RXRA: variants seen among roughly 807,000 people sequenced by gnomAD.
The protein encoded by RXRA is retinoid X receptor alpha.
In RXRA, 5 loss-of-function variants were observed where a neutral mutation model predicts 44.5. The ratio of observed to expected loss-of-function variants is 0.11; its 90% confidence interval spans 0.06 to 0.24. The LOEUF is 0.24. Among genes scored for constraint, RXRA ranks in the 10% least tolerant of loss-of-function variants. The pLI, the probability that RXRA is intolerant of heterozygous loss-of-function variation, is 1.00. For missense variants in RXRA, 412 were observed against 646.5 expected, an observed-to-expected ratio of 0.64 and a Z score of 3.93; for synonymous variants, 291 against 271.4, an observed-to-expected ratio of 1.07 and a Z score of -0.71.
intron 1 of RXRA, among the ~76,000 whole-genome samples, chr9:134,355,851 C>T (rs1295450631): frequency 6.6e-6 from 1 of 152,092 alleles, no homozygotes; most frequent in East Asian, 1.9e-4. Flanking sequence ...CTGGAGTCTG[C>T]ATTTTTCGGA....
chr9:134,424,736 A>AGT, intron 6 of RXRA: 1 of 985,450 alleles, frequency 1.0e-6, no homozygotes, highest in Non-Finnish European at 1.2e-6. Context: ...GACCTGGGTT[A>AGT]ACTCCAAGGA....
Position 134,401,591 on chromosome 9 carries a change from C to A in RXRA, c.29-41C>A. 4 of 1,610,930 alleles carry A rather than the reference C, an allele frequency of 2.5e-6. No individual in the cohort carries two copies. The South Asian group carries it at 4.4e-5, about 18-fold the overall frequency. ...GCAGGCATTTGGTGGGGCCTGGAGTCACCTGCACTGACCACTCTCCTGCGG... is the reference window on the plus strand; with the variant it reads ...GCAGGCATTTGGTGGGGCCTGGAGTAACCTGCACTGACCACTCTCCTGCGG... On this transcript the variant is annotated intron_variant, in intron 1 of 9. Coordinates refer to ENST00000481739, the MANE Select transcript of RXRA (RefSeq NM_002957.6).
chr9:134,422,334 A>G (rs1424067915), intron 6 of RXRA: 13 of 1,281,178 alleles, frequency 1.0e-5, no homozygotes, highest in African/African-American at 3.2e-5. Flanking sequence ...CACTCCTGGG[A>G]CACTACCCCC....
intron 8 of RXRA, 34 bp from the exon 9 acceptor site, chr9:134,434,068 C>G (rs773784147): frequency 1.3e-6 from 2 of 1,548,178 alleles, no homozygotes; most frequent in Admixed American, 3.4e-5. Flanking sequence ...CACGCCCCAG[C>G]TGAGGGTTCT....
In RXRA at chr9:134,409,800, G is replaced by T. The variant is rs945959859; in HGVS notation, c.610+681G>T. ...ATGGTTTGCACACACGTTTGGGGGT[G>T]TGCCTCAGTTCCTCCCATCGGGTCC... On this transcript the variant is annotated intron_variant, in intron 4 of 9. Transcript: ENST00000481739. Among the ~76,000 whole-genome samples, 8 of 152,212 alleles carry T rather than the reference G, an allele frequency of 5.3e-5. No homozygotes were observed. The South Asian group carries it at 6.2e-4, about 12-fold the overall frequency.
At chr9:134,336,244 C>T (rs1315653773) in intron 1 of RXRA, among the ~76,000 whole-genome samples, 4 of 152,176 alleles carry the variant, frequency 2.6e-5, no homozygotes, top group African/African-American at 7.2e-5. Context: ...TCTTCCCTCC[C>T]CTCAGTCTCC....
intron 1 of RXRA, among the ~76,000 whole-genome samples, chr9:134,332,600 G>T (rs1588245849): frequency 6.6e-6 from 1 of 152,122 alleles, no homozygotes; most frequent in South Asian, 2.1e-4. Context: ...AGGACGCAAG[G>T]GTGGGGTTGC....
At chr9:134,355,401 T>A (rs534022193) in intron 1 of RXRA, among the ~76,000 whole-genome samples, 1 of 152,334 alleles carries the variant, frequency 6.6e-6, no homozygotes, top group Admixed American at 6.5e-5. Flanking sequence ...CCTGATATGC[T>A]GGTCTCCGAA....
rs753474465 is a variant in RXRA, at chr9:134,434,138, C to T, written c.1172C>T (p.Ala391Val). 129 of 1,613,576 alleles carry T rather than the reference C, an allele frequency of 8.0e-5. No homozygotes were observed. Among genetic ancestry groups the T allele is most frequent in the Non-Finnish European group, 9.7e-5 (115 of 1,179,890 alleles). The change falls in exon 9 of 10, where the codon GCG (alanine) becomes GTG (valine). Residue 391 changes from alanine to valine, a missense_variant. Physicochemically the swap from Ala to Val is moderately conservative, Grantham distance 64. Coordinates refer to ENST00000481739, the MANE Select transcript of RXRA (RefSeq NM_002957.6). ...KGLSNPAEVE[A>V]LREKVYASLE... ...CTCTCGAACCCGGCCGAGGTGGAGG[C>T]GCTGAGGGAGAAGGTCTATGCGTCC...
At position 134,365,824 on chromosome 9, in the gene RXRA, G is replaced by A. The variant is rs912177895; in HGVS notation, c.29-35808G>A. ...AGAAGGACCCTCCCATTACCCTCTG[G>A]TGGCTTGCCCATGCCACCATTCCTA... On this transcript the variant is annotated intron_variant, in intron 1 of 9. Transcript: ENST00000481739. This position sits in a 1 kb window ranked among gnomAD's most constrained non-coding sequence, Gnocchi z 4.0. Among the ~76,000 whole-genome samples the A allele has an allele frequency of 6.6e-6, 1 of 152,048 alleles. No individual in the cohort carries two copies. The highest frequency in any genetic ancestry group is 1.5e-5 in the Non-Finnish European group (1 of 68,000).
At chr9:134,333,026 C>A (rs1030034650) in intron 1 of RXRA, among the ~76,000 whole-genome samples, 1 of 152,122 alleles carries the variant, frequency 6.6e-6, no homozygotes, top group East Asian at 1.9e-4. Context: ...CCGGCCCCCC[C>A]TGCACTCCCC....
intron 4 of RXRA, among the ~76,000 whole-genome samples, chr9:134,410,227 C>T (rs1831126456): frequency 6.6e-6 from 1 of 152,236 alleles, no homozygotes; most frequent in African/African-American, 2.4e-5. Context: ...CTTGTGCCTG[C>T]ATAGCAGAGC....
chr9:134,401,314 G>A (rs901904167), intron 1 of RXRA: 5 of 402,846 alleles, frequency 1.2e-5, no homozygotes, highest in African/African-American at 1.0e-4. Context: ...AGGTGGACGG[G>A]CCTGGAGTGC....
chr9:134,415,155 C>G (rs1831213435), intron 4 of RXRA, among the ~76,000 whole-genome samples: 1 of 152,238 alleles, frequency 6.6e-6, no homozygotes, highest in Non-Finnish European at 1.5e-5. Flanking sequence ...GCCTGAGTCT[C>G]CCTGTGTGGG....
intron 8 of RXRA, among the ~76,000 whole-genome samples, chr9:134,432,792 G>A (rs1460662443): frequency 6.6e-6 from 1 of 152,228 alleles, no homozygotes; most frequent in Non-Finnish European, 1.5e-5. Context: ...TGCAAGTTAG[G>A]GGCCAGGGGA....
At chr9:134,412,315 G>A (rs1166013078) in intron 4 of RXRA, among the ~76,000 whole-genome samples, 1 of 152,250 alleles carries the variant, frequency 6.6e-6, no homozygotes, top group Non-Finnish European at 1.5e-5. Flanking sequence ...GTGTCAAGTG[G>A]TCCCTCGGCC....
At chr9:134,381,594 C>T (rs531321166) in intron 1 of RXRA, among the ~76,000 whole-genome samples, 1 of 152,114 alleles carries the variant, frequency 6.6e-6, no homozygotes, top group East Asian at 1.9e-4. Flanking sequence ...TGGCGCCCGC[C>T]CTTCTCCCTC....
intron 7 of RXRA, 109 bp from the exon 8 acceptor site, chr9:134,431,796 C>A (rs1588310106): frequency 2.5e-6 from 2 of 786,876 alleles, no homozygotes; most frequent in Non-Finnish European, 4.2e-6. Context: ...CCCATCTCAG[C>A]GGCCCTCGGG....
chr9:134,429,615 T>A (rs1388063465), intron 7 of RXRA, among the ~76,000 whole-genome samples: 1 of 152,188 alleles, frequency 6.6e-6, no homozygotes, highest in East Asian at 1.9e-4. Flanking sequence ...GGCACGGTAA[T>A]GCCGTGGCAG....
Sources: allele counts gnomAD v4.1 joint callset (sites outside exome capture counted in the v4.1 genomes callset), GRCh38; gene constraint gnomAD v4.1.1; non-coding constraint Gnocchi (gnomAD v3.1); transcripts MANE v1.5; gene names NCBI Gene and HGNC (gene_info 2026-07-23, HGNC 2026-07-21).